The following B3GALT1 variants were observed in gnomAD, a reference collection of about 807,000 sequenced individuals.
B3GALT1 encodes beta-1,3-galactosyltransferase 1, also known as UDP-Gal:betaGlcNAc beta 1,3-galactosyltransferase, polypeptide 1.
In B3GALT1, 10 loss-of-function variants were observed where a neutral mutation model predicts 23.2. The ratio of observed to expected loss-of-function variants is 0.43; its 90% CI spans 0.27 to 0.73. The LOEUF is 0.73. B3GALT1 is among the 30% of genes least tolerant of loss of function. B3GALT1 has a pLI of 0.21. For synonymous variants in B3GALT1, 156 were observed against 141.5 expected, an observed-to-expected ratio of 1.10 and a Z score of -0.73; for missense variants, 299 against 405.4, an observed-to-expected ratio of 0.74 and a Z score of 2.25.
chr2:167,506,770 G>T (rs1284939816), intron 2 of B3GALT1, among the ~76,000 whole-genome samples: 1 of 107,562 alleles, frequency 9.3e-6, no homozygotes, highest in African/African-American at 5.4e-5. Flanking sequence ...CTTCAAGTAT[G>T]AGTTGGATTT....
intron 1 of B3GALT1, among the ~76,000 whole-genome samples, chr2:167,296,407 A>G (rs561066056): frequency 6.6e-6 from 1 of 152,324 alleles, no homozygotes; most frequent in African/African-American, 2.4e-5. Flanking sequence ...TAACAATGTT[A>G]GGGGAATTAA....
chr2:167,757,719 A>G (rs1246565804), intron 3 of B3GALT1, among the ~76,000 whole-genome samples: 1 of 152,116 alleles, frequency 6.6e-6, no homozygotes, highest in Non-Finnish European at 1.5e-5. Context: ...AGGTCAGCCT[A>G]TGGCTGATTT....
chr2:167,834,180 G>C (rs978252695), intron 4 of B3GALT1, among the ~76,000 whole-genome samples: 1 of 152,184 alleles, frequency 6.6e-6, no homozygotes, highest in Non-Finnish European at 1.5e-5. Flanking sequence ...GGGTCATCAT[G>C]TCTTTATACT....
At chr2:167,566,706 T>C (rs1684177726) in intron 2 of B3GALT1, among the ~76,000 whole-genome samples, 1 of 152,158 alleles carries the variant, frequency 6.6e-6, no homozygotes, top group Non-Finnish European at 1.5e-5. Context: ...GCTGAAAGCA[T>C]GCTTGAGCAT....
At chr2:167,653,907 A>G (rs764141134) in intron 3 of B3GALT1, among the ~76,000 whole-genome samples, 2 of 152,080 alleles carry the variant, frequency 1.3e-5, no homozygotes, top group Non-Finnish European at 2.9e-5. Context: ...CAGTCTTATG[A>G]GTTATTTTTC....
intron 3 of B3GALT1, among the ~76,000 whole-genome samples, chr2:167,681,737 A>C (rs894285057): frequency 6.6e-6 from 1 of 152,212 alleles, no homozygotes; most frequent in Non-Finnish European, 1.5e-5. Context: ...TGTAGGGCCT[A>C]TTATGTGCAA....
intron 2 of B3GALT1, among the ~76,000 whole-genome samples, chr2:167,547,810 T>G (rs1397574247): frequency 6.6e-6 from 1 of 151,964 alleles, no homozygotes. Context: ...CCAAAAAGAA[T>G]TGGATCCAGC....
At chr2:167,355,209 C>G (rs1697381452) in intron 1 of B3GALT1, among the ~76,000 whole-genome samples, 1 of 152,220 alleles carries the variant, frequency 6.6e-6, no homozygotes, top group African/African-American at 2.4e-5. Context: ...TGATGCATTT[C>G]CAGTTTAACC....
intron 3 of B3GALT1, chr2:167,715,005 T>C: frequency 6.2e-7 from 1 of 1,611,630 alleles, no homozygotes; most frequent in Non-Finnish European, 8.5e-7. Context: ...AGATTTTTAA[T>C]ATGCTCGGTA....
intron 3 of B3GALT1, among the ~76,000 whole-genome samples, chr2:167,691,025 T>C (rs563053349): frequency 6.6e-6 from 1 of 152,272 alleles, no homozygotes; most frequent in African/African-American, 2.4e-5. Flanking sequence ...AATATCAGTA[T>C]TTTAATTATT....
At chr2:167,339,730 T>TTCGA (rs1483825264) in intron 1 of B3GALT1, among the ~76,000 whole-genome samples, 2,595 of 152,236 alleles carry the variant, frequency 0.017, 85 homozygotes, top group African/African-American at 0.059. Flanking sequence ...CGAAGAAGGA[T>TTCGA]AGAATAGTTC....
intron 3 of B3GALT1, among the ~76,000 whole-genome samples, chr2:167,783,816 G>T (rs1035886040): frequency 2.6e-5 from 4 of 152,170 alleles, no homozygotes; most frequent in South Asian, 2.1e-4. Flanking sequence ...AGTTGCTGTG[G>T]TCATTAACTT....
At chr2:167,759,895 GC>G (rs1372712880) in intron 3 of B3GALT1, among the ~76,000 whole-genome samples, 1 of 152,098 alleles carries the variant, frequency 6.6e-6, no homozygotes, top group Non-Finnish European at 1.5e-5. Context: ...GTTCATCTAG[GC>G]TTTTTGGGGT....
chr2:167,598,390 A>G (rs1684819307), intron 2 of B3GALT1, among the ~76,000 whole-genome samples: 1 of 152,144 alleles, frequency 6.6e-6, no homozygotes, highest in African/African-American at 2.4e-5. Flanking sequence ...ATAAACTATT[A>G]ATTTGTCAAA....
chr2:167,591,534 A>G (rs1684680850), intron 2 of B3GALT1, among the ~76,000 whole-genome samples: 1 of 152,098 alleles, frequency 6.6e-6, no homozygotes, highest in Non-Finnish European at 1.5e-5. Context: ...GCGGTGGTGC[A>G]GTCACACTCA....
At chr2:167,826,783 TA>T (rs1225878213) in intron 4 of B3GALT1, among the ~76,000 whole-genome samples, 1 of 152,122 alleles carries the variant, frequency 6.6e-6, no homozygotes, top group Non-Finnish European at 1.5e-5. Context: ...ATAATATAAG[TA>T]AAAAATACAG....
intron 4 of B3GALT1, among the ~76,000 whole-genome samples, chr2:167,844,418 A>G (rs1362117359): frequency 2.0e-5 from 3 of 152,208 alleles, no homozygotes; most frequent in Non-Finnish European, 4.4e-5. Flanking sequence ...CCCAAGTACT[A>G]TGAGTGCCCC....
At chr2:167,764,073 C>G (rs1687937949) in intron 3 of B3GALT1, among the ~76,000 whole-genome samples, 1 of 152,150 alleles carries the variant, frequency 6.6e-6, no homozygotes. Context: ...CACAAAATTA[C>G]TTTTATCTCA....
In B3GALT1 at chr2:167,483,971, A is replaced by T. The variant is rs1461613931; in HGVS notation, c.-510-6206A>T. Among the ~76,000 whole-genome samples the T allele has an allele frequency of 3.9e-5, 6 of 152,304 alleles. No individual in the cohort carries two copies. The East Asian group carries it at 7.7e-4, about 20-fold the overall frequency. On this transcript the variant is annotated intron_variant, in intron 1 of 4. Transcript: ENST00000392690. ...TGCACACAACAAGCATCTTCAATGGAGCTATCTCCGTTAAGAACTGACCTC... is the reference window on the plus strand; with the variant it reads ...TGCACACAACAAGCATCTTCAATGGTGCTATCTCCGTTAAGAACTGACCTC...
Sources: gnomAD v4.1 joint callset for allele counts (sites outside exome capture counted in the v4.1 genomes callset) on GRCh38, gnomAD v4.1.1 for gene constraint, MANE v1.5 for transcripts, NCBI Gene and HGNC (gene_info 2026-07-23, HGNC 2026-07-21) for gene names.